The following CAPS2 variants were observed in gnomAD, a reference collection of about 807,000 sequenced individuals.
The protein encoded by CAPS2 is calcyphosin-2.
Under a neutral mutation model 86.5 loss-of-function variants are expected in CAPS2, and 98 were observed. That is an observed-to-expected ratio of 1.13 (90% confidence interval 0.96 to 1.34). The LOEUF (loss-of-function observed/expected upper bound fraction) is 1.34. Ranked by LOEUF, CAPS2 falls within the 40% of genes most tolerant of loss-of-function variation. The pLI is 0.00. For synonymous variants in CAPS2, 210 were observed against 225.1 expected, an observed-to-expected ratio of 0.93 and a Z score of 0.60; for missense variants, 729 against 686.8, an observed-to-expected ratio of 1.06 and a Z score of -0.69.
intron 15 of CAPS2, 79 bp downstream of exon 15, chr12:75,284,880 GGT>G: frequency 3.2e-6 from 4 of 1,253,692 alleles, no homozygotes; most frequent in Non-Finnish European, 4.3e-6. Flanking sequence ...ACTTTTAAAT[GGT>G]AATTCATTAA....
At chr12:75,296,535 GC>G (rs1380589134) in intron 11 of CAPS2, among the ~76,000 whole-genome samples, 1 of 152,066 alleles carries the variant, frequency 6.6e-6, no homozygotes, top group Non-Finnish European at 1.5e-5. Context: ...CTCGTGATCT[GC>G]CCCCCTCGGC....
intron 1 of CAPS2, among the ~76,000 whole-genome samples, chr12:75,380,228 C>A (rs2044885291): frequency 6.6e-6 from 1 of 152,124 alleles, no homozygotes; most frequent in Non-Finnish European, 1.5e-5. Context: ...TCGGCAATTT[C>A]CTCTTAGCAA....
chr12:75,341,092 T>C (rs898403588), intron 1 of CAPS2, among the ~76,000 whole-genome samples: 2 of 152,112 alleles, frequency 1.3e-5, no homozygotes, highest in Admixed American at 1.3e-4. Context: ...ATTGCACTTC[T>C]GGGCACTTTT....
intron 6 of CAPS2, among the ~76,000 whole-genome samples, chr12:75,314,626 A>G (rs2039567299): frequency 6.6e-6 from 1 of 152,106 alleles, no homozygotes; most frequent in Non-Finnish European, 1.5e-5. Context: ...AAAGCAAGGT[A>G]TTTTTTTAAT....
At chr12:75,380,507 A>G (rs1437790650) in intron 1 of CAPS2, among the ~76,000 whole-genome samples, 1 of 151,898 alleles carries the variant, frequency 6.6e-6, no homozygotes, top group Non-Finnish European at 1.5e-5. Flanking sequence ...ATTGATTATT[A>G]TAAGAATAAC....
intron 6 of CAPS2, 109 bp downstream of exon 6, chr12:75,316,203 C>G (rs922722791): frequency 1.5e-6 from 2 of 1,341,322 alleles, no homozygotes; most frequent in Non-Finnish European, 2.0e-6. Flanking sequence ...AATATTCACC[C>G]GAGTTCAAAT....
chr12:75,278,354 C>G (rs1202417098), exon 17 of CAPS2: 6 of 984,214 alleles, frequency 6.1e-6, no homozygotes, highest in Admixed American at 6.2e-5. Flanking sequence ...TATAATCACA[C>G]TGCTTGAAAA....
intron 8 of CAPS2, among the ~76,000 whole-genome samples, chr12:75,303,602 T>G (rs2038083073): frequency 6.6e-6 from 1 of 152,212 alleles, no homozygotes; most frequent in Non-Finnish European, 1.5e-5. Context: ...GTACGTTTTA[T>G]TTCAATGAAA....
chr12:75,370,169 T>C, intron 1 of CAPS2: 1 of 1,475,440 alleles, frequency 6.8e-7, no homozygotes, highest in South Asian at 1.1e-5. Context: ...CTTCTGAGAA[T>C]CTTTTAATGT....
intron 7 of CAPS2, among the ~76,000 whole-genome samples, chr12:75,309,060 C>G (rs1352365875): frequency 6.6e-6 from 1 of 152,088 alleles, no homozygotes; most frequent in African/African-American, 2.4e-5. Flanking sequence ...AAGGTTCATG[C>G]ATATGGACTG....
intron 7 of CAPS2, chr12:75,305,627 C>G (rs1230022874): frequency 1.6e-6 from 1 of 620,714 alleles, no homozygotes; most frequent in Non-Finnish European, 3.1e-6. Flanking sequence ...GAAGGCTCAG[C>G]AGCAGGCCGC....
chr12:75,301,046 A>G (rs918706387), intron 8 of CAPS2, among the ~76,000 whole-genome samples: 8 of 152,218 alleles, frequency 5.3e-5, no homozygotes, highest in African/African-American at 1.7e-4. Flanking sequence ...ACAGTACTGA[A>G]TGATCTCATA....
At chr12:75,279,674 C>A (rs892310361) in intron 16 of CAPS2, among the ~76,000 whole-genome samples, 1 of 151,986 alleles carries the variant, frequency 6.6e-6, no homozygotes, top group South Asian at 2.1e-4. Flanking sequence ...AGTTTGCTTT[C>A]TTTTAAAAAC....
chr12:75,282,216 T>G (rs2034081640), intron 16 of CAPS2, 35 bp downstream of exon 16: 1 of 1,096,956 alleles, frequency 9.1e-7, no homozygotes, highest in Admixed American at 1.7e-5. Flanking sequence ...AGTAACATTT[T>G]CAAAGTCCAA....
At chr12:75,381,700 C>T (rs1429096225) in intron 1 of CAPS2, among the ~76,000 whole-genome samples, 8 of 150,908 alleles carry the variant, frequency 5.3e-5, no homozygotes, top group African/African-American at 1.5e-4. Context: ...CTGCAACCTC[C>T]GCCTCCCAGG....
At chr12:75,306,130 C>A in intron 7 of CAPS2, 2 of 1,171,636 alleles carry the variant, frequency 1.7e-6, no homozygotes, top group Non-Finnish European at 2.5e-6. Context: ...CGGGAACGTG[C>A]GGAAGCTCAT....
chr12:75,382,459 G>A (rs2045050067), intron 1 of CAPS2, among the ~76,000 whole-genome samples: 1 of 152,064 alleles, frequency 6.6e-6, no homozygotes, highest in Admixed American at 6.5e-5. Flanking sequence ...GGCCAACATG[G>A]TGAAACCCCA....
chr12:75,276,106 G>A, downstream of CAPS2: 3 of 1,222,822 alleles, frequency 2.5e-6, no homozygotes, highest in East Asian at 2.9e-5. Flanking sequence ...GATCAGAAAC[G>A]AATACATCCA....
At chr12:75,376,004 G>C (rs1331270879) in intron 1 of CAPS2, among the ~76,000 whole-genome samples, 2 of 152,180 alleles carry the variant, frequency 1.3e-5, no homozygotes, top group Non-Finnish European at 2.9e-5. Flanking sequence ...TATTGGTGAA[G>C]GGTATGTCTT....
Sources: allele counts gnomAD v4.1 joint callset (sites outside exome capture counted in the v4.1 genomes callset), GRCh38; gene constraint gnomAD v4.1.1; transcripts MANE v1.5; gene names NCBI Gene and HGNC (gene_info 2026-07-23, HGNC 2026-07-21).